The following CCDC150 variants were observed in gnomAD, a reference collection of about 807,000 sequenced individuals.
CCDC150 encodes the protein coiled-coil domain containing 150.
In CCDC150, 151 loss-of-function variants were observed where a neutral mutation model predicts 156.5. The observed-to-expected ratio is 0.97, with a 90% CI of 0.85 to 1.10. The LOEUF (loss-of-function observed/expected upper bound fraction) is 1.10, where lower values mean the gene tolerates loss of function less well. CCDC150 is among the 50% of genes least tolerant of loss of function. The pLI is 0.00. For missense variants in CCDC150, 1,312 were observed against 1,268.1 expected, an observed-to-expected ratio of 1.03 and a Z score of -0.53; for synonymous variants, 452 against 429.4, an observed-to-expected ratio of 1.05 and a Z score of -0.65.
At chr2:196,663,534 T>A (rs1693674179) in intron 5 of CCDC150, among the ~76,000 whole-genome samples, 1 of 152,088 alleles carries the variant, frequency 6.6e-6, no homozygotes, top group Non-Finnish European at 1.5e-5. Context: ...GAAAAAAGAA[T>A]CTTATAGGAA....
At chr2:196,659,858 T>C (rs1693452763) in intron 5 of CCDC150, among the ~76,000 whole-genome samples, 1 of 152,220 alleles carries the variant, frequency 6.6e-6, no homozygotes, top group Non-Finnish European at 1.5e-5. Flanking sequence ...TAAGATTCAC[T>C]ATTCATCATG....
At chr2:196,697,695 T>TA (rs781288899) in intron 14 of CCDC150, among the ~76,000 whole-genome samples, 6 of 152,156 alleles carry the variant, frequency 3.9e-5, no homozygotes, top group Non-Finnish European at 8.8e-5. Context: ...TTCAAAATAA[T>TA]AAAAAACTTT....
At chr2:196,655,370 G>A (rs1004230455) in intron 2 of CCDC150, among the ~76,000 whole-genome samples, 1 of 152,176 alleles carries the variant, frequency 6.6e-6, no homozygotes, top group Non-Finnish European at 1.5e-5. Context: ...TATGAGAGCT[G>A]TAGAAGTTAT....
At chr2:196,681,586 C>T (rs1486573371) in intron 13 of CCDC150, among the ~76,000 whole-genome samples, 2 of 152,174 alleles carry the variant, frequency 1.3e-5, no homozygotes, top group Admixed American at 6.5e-5. Flanking sequence ...TACATTCTCA[C>T]CAGCGATGTA....
intron 10 of CCDC150, 47 bp downstream of exon 10, chr2:196,674,395 A>C: frequency 8.7e-7 from 1 of 1,153,978 alleles, no homozygotes; most frequent in Non-Finnish European, 1.3e-6. Context: ...CCTGGTTGAT[A>C]GATCAGGAAA....
Position 196,676,539 on chromosome 2 carries a change from G to C in CCDC150, c.1263-15G>C. ...TCTAATTTAGCTTTCATATGTTCTT[G>C]ATCTCTTCCTGCAGGGATCATTTAA... On this transcript the variant is annotated splice_polypyrimidine_tract_variant and intron_variant, in intron 11 of 27. Coordinates refer to ENST00000389175, the MANE Select transcript of CCDC150 (RefSeq NM_001080539.2). 1 of 1,590,590 alleles carries C rather than the reference G, an allele frequency of 6.3e-7. No homozygotes were observed. Among genetic ancestry groups the C allele is most frequent in the South Asian group, 1.2e-5 (1 of 86,778 alleles).
chr2:196,667,765 A>T (rs974884882), intron 7 of CCDC150: 3 of 152,238 alleles, frequency 2.0e-5, no homozygotes, highest in Non-Finnish European at 4.4e-5. Context: ...TAAAAAATAT[A>T]GAGCAAGAGT....
At chr2:196,696,763 A>G (rs1445883931) in intron 14 of CCDC150, among the ~76,000 whole-genome samples, 17 of 152,184 alleles carry the variant, frequency 1.1e-4, no homozygotes, top group Non-Finnish European at 2.9e-5. Context: ...CATTAAATCT[A>G]TTGTCATTCA....
chr2:196,713,406 C>T, intron 17 of CCDC150: 1 of 1,533,120 alleles, frequency 6.5e-7, no homozygotes, highest in East Asian at 2.5e-5. Flanking sequence ...TCTTCAAAAT[C>T]CCCCGAAATC....
intron 7 of CCDC150, 140 bp downstream of exon 7, chr2:196,666,988 C>G: frequency 1.2e-6 from 1 of 819,066 alleles, no homozygotes; most frequent in South Asian, 1.6e-5. Context: ...TTGCAGATTT[C>G]CCTTCTACCT....
chr2:196,704,536 T>C (rs935180221), intron 15 of CCDC150, among the ~76,000 whole-genome samples: 1 of 152,146 alleles, frequency 6.6e-6, no homozygotes, highest in African/African-American at 2.4e-5. Flanking sequence ...AAAGTAGTTA[T>C]GCCAGTTTTA....
intron 15 of CCDC150, among the ~76,000 whole-genome samples, chr2:196,701,916 A>G (rs1157512984): frequency 6.6e-6 from 1 of 152,166 alleles, no homozygotes; most frequent in Non-Finnish European, 1.5e-5. Context: ...CCATTTTTCT[A>G]TATATTTAAA....
At chr2:196,701,731 C>T (rs1320944763) in intron 15 of CCDC150, among the ~76,000 whole-genome samples, 1 of 152,062 alleles carries the variant, frequency 6.6e-6, no homozygotes, top group Non-Finnish European at 1.5e-5. Context: ...ATTCCTCATG[C>T]TGGGAAGTGT....
At chr2:196,694,332 A>G (rs1695678171) in intron 13 of CCDC150, among the ~76,000 whole-genome samples, 1 of 152,206 alleles carries the variant, frequency 6.6e-6, no homozygotes. Context: ...CTGGGATTAC[A>G]GGCGTGAGCC....
At chr2:196,640,604 C>A (rs1313884806) in intron 1 of CCDC150, among the ~76,000 whole-genome samples, 1 of 152,196 alleles carries the variant, frequency 6.6e-6, no homozygotes, top group East Asian at 1.9e-4. Context: ...AAAACGGATT[C>A]TTCCTTAATA....
chr2:196,659,623 G>A (rs1025539964), intron 5 of CCDC150, among the ~76,000 whole-genome samples: 4 of 152,100 alleles, frequency 2.6e-5, no homozygotes, highest in African/African-American at 9.7e-5. Context: ...ACTGATAAAA[G>A]CTTGATGCTC....
Position 196,732,657 on chromosome 2 carries a change from C to A in CCDC150, c.*95C>A. 1 of 810,422 alleles carries A rather than the reference C, an allele frequency of 1.2e-6. No individual in the cohort carries two copies. The highest frequency in any genetic ancestry group is 2.1e-6 in the Non-Finnish European group (1 of 479,498). The allele number at this position is 810,422 out of a possible 1,614,324, so 50.2% of individuals were successfully genotyped here. On this transcript the variant is annotated 3_prime_UTR_variant, in exon 28 of 28. Coordinates refer to ENST00000389175, the MANE Select transcript of CCDC150 (RefSeq NM_001080539.2). ...TGGCCTGTTTCTAGAGTCATAAGAA[C>A]ATGAAGTCTTTGATGTGGGCTGAAG...
In CCDC150 at chr2:196,730,045, T is replaced by G; in HGVS notation, c.2909T>G (p.Val970Gly). 6.2e-7 allele frequency: 1 copy of G among 1,613,848 alleles called. No homozygotes were observed. Among genetic ancestry groups the G allele is most frequent in the Non-Finnish European group, 8.5e-7 (1 of 1,179,840 alleles). Residue 970 changes from valine (V) to glycine (G), a missense_variant, in exon 25 of 28, where the codon GTG becomes GGG. Transcript: ENST00000389175. ...GCTAAGAGCCAATATGATGCCTCAG[T>G]GCGGAATAAACAGCAAGAGCTGCAC... ...MLAKSQYDASVRNKQQELHLE... is the reference protein window; with the variant it reads ...MLAKSQYDASGRNKQQELHLE...
At chr2:196,721,026 C>T (rs1697850090) in intron 20 of CCDC150, among the ~76,000 whole-genome samples, 1 of 152,088 alleles carries the variant, frequency 6.6e-6, no homozygotes, top group Non-Finnish European at 1.5e-5. Context: ...CCTACACACA[C>T]ATGTGCTCAC....
Sources: gnomAD v4.1 joint callset for allele counts (sites outside exome capture counted in the v4.1 genomes callset) on GRCh38, gnomAD v4.1.1 for gene constraint, MANE v1.5 for transcripts, NCBI Gene and HGNC (gene_info 2026-07-23, HGNC 2026-07-21) for gene names.